SCAP: variants seen among roughly 807,000 people sequenced by gnomAD.
SCAP encodes the protein sterol regulatory element-binding protein cleavage-activating protein.
In SCAP, 65 loss-of-function variants were observed where a neutral mutation model predicts 123.6. That is an observed-to-expected ratio of 0.53 (90% CI 0.43 to 0.65). The LOEUF is 0.65. SCAP is among the 30% of genes least tolerant of loss of function. The pLI, the probability that SCAP is intolerant of heterozygous loss-of-function variation, is 0.00. For missense variants in SCAP, 1,398 were observed against 1,712.5 expected (o/e 0.82, Z 3.24); for synonymous variants, 740 against 726.3 (o/e 1.02, Z -0.30).
chr3:47,423,147 G>A (rs1705980871), intron 9 of SCAP, among the ~76,000 whole-genome samples: 1 of 152,222 alleles, frequency 6.6e-6, no homozygotes, highest in Non-Finnish European at 1.5e-5. Context: ...TGAATGGACG[G>A]CTGCCTACAG....
intron 16 of SCAP, 139 bp from the exon 17 acceptor site, chr3:47,417,965 G>GAGT (rs1705696122): frequency 5.6e-5 from 28 of 502,598 alleles, no homozygotes; most frequent in Non-Finnish European, 8.3e-5. Flanking sequence ...TGCGGGGTGG[G>GAGT]GAGAGGGGGG....
chr3:47,419,549 C>T lies in SCAP; in HGVS notation c.1719G>A (p.Pro573=), dbSNP rs141351370. The change falls in exon 13 of 23, where the codon CCG becomes CCA. Residue 573 remains proline (P), a synonymous_variant. Coordinates refer to ENST00000265565, the MANE Select transcript of SCAP (RefSeq NM_012235.4). This position sits in a 1 kb window ranked among gnomAD's most constrained non-coding sequence, Gnocchi z 5.0. ...VPSGMLPPSH[P]DPAFSIFPPD... ...GTGGGAAGATGGAGAAGGCAGGGTC[C>T]GGGTGGCTGGGGGGCAGCATGCCAC... The T allele has an allele frequency of 1.1e-3, 1,827 of 1,613,308 alleles. 1 individual carries two copies. Among genetic ancestry groups the T allele is most frequent in the Non-Finnish European group, 1.4e-3 (1,664 of 1,179,534 alleles).
At chr3:47,425,685 T>G in intron 7 of SCAP, 74 bp from the exon 8 acceptor site, 1 of 1,537,398 alleles carries the variant, frequency 6.5e-7, no homozygotes, top group Non-Finnish European at 8.9e-7. Flanking sequence ...CGGGAGTAGG[T>G]TGCCCTGACA....
At chr3:47,426,705 G>C (rs1390922288) in intron 6 of SCAP, among the ~76,000 whole-genome samples, 1 of 152,138 alleles carries the variant, frequency 6.6e-6, no homozygotes, top group Non-Finnish European at 1.5e-5. Context: ...CCAAAGTCTG[G>C]GATTACAGGC....
chr3:47,461,587 T>C (rs1327530409), intron 1 of SCAP, among the ~76,000 whole-genome samples: 2 of 152,214 alleles, frequency 1.3e-5, no homozygotes, highest in Non-Finnish European at 2.9e-5. Flanking sequence ...AGGAAGAAAC[T>C]GAGGCTTAGG....
rs187617428 is a variant in SCAP at position 47,419,516 on chromosome 3, G to A, written c.1752C>T (p.Ala584=). The stretch of plus-strand genomic sequence containing the variant: ...ACGTCTGGTTCTCAGGTAGCTTAGG[G>A]GCATCAGGTGGGAAGATGGAGAAGG... The part of the protein sequence containing the change: ...DPAFSIFPPD[A]PKLPENQTSP... The change falls in exon 13 of 23, where the codon GCC becomes GCT. Residue 584 remains alanine, a synonymous_variant. Coordinates refer to ENST00000265565, the MANE Select transcript of SCAP (RefSeq NM_012235.4). The surrounding 1 kb of genome is among the most constrained non-coding windows in gnomAD (Gnocchi z 5.0). 7.1e-5 allele frequency: 115 copies of A among 1,613,980 alleles called. No individual in the cohort carries two copies. Among genetic ancestry groups the A allele is most frequent in the Non-Finnish European group, 9.1e-5 (107 of 1,179,982 alleles).
intron 1 of SCAP, among the ~76,000 whole-genome samples, chr3:47,456,448 T>C (rs1436429589): frequency 7.2e-5 from 11 of 151,950 alleles, no homozygotes; most frequent in Non-Finnish European, 1.5e-4. Context: ...AGAGAAAAGA[T>C]TTAAAGGTAA....
intron 10 of SCAP, chr3:47,421,350 C>T (rs1705892219): frequency 3.4e-6 from 1 of 293,366 alleles, no homozygotes; most frequent in South Asian, 3.9e-5. Context: ...GCCCCACCAG[C>T]CTGCTCCCCA....
At chr3:47,469,768 G>A in intron 1 of SCAP, 2 of 505,192 alleles carry the variant, frequency 4.0e-6, no homozygotes, top group South Asian at 1.6e-5. Context: ...CCCCAGCCAT[G>A]TGGAACTTAT....
chr3:47,424,207 A>C (rs1706026681), intron 8 of SCAP, among the ~76,000 whole-genome samples, 162 bp from the exon 9 acceptor site: 1 of 151,990 alleles, frequency 6.6e-6, no homozygotes, highest in Non-Finnish European at 1.5e-5. Flanking sequence ...ACCCAACAAG[A>C]CCTGCATCTA....
chr3:47,473,686 G>C (rs924052703), intron 1 of SCAP, among the ~76,000 whole-genome samples: 7 of 152,192 alleles, frequency 4.6e-5, no homozygotes, highest in African/African-American at 1.7e-4. Context: ...ACATTCACAT[G>C]CATGGCTAGA....
chr3:47,427,627 T>C lies in SCAP; in HGVS notation c.451A>G (p.Thr151Ala), dbSNP rs1410699674. 1 of 1,613,954 alleles carries C rather than the reference T, an allele frequency of 6.2e-7. No individual in the cohort carries two copies. The highest frequency in any genetic ancestry group is 1.3e-5 in the African/African-American group (1 of 74,880). The change falls in exon 5 of 23, where the codon ACC (threonine) becomes GCC (alanine). Residue 151 changes from threonine to alanine, a missense_variant. Thr to Ala is a moderately conservative substitution (Grantham distance 58, BLOSUM62 0). Transcript: ENST00000265565. ...RSLEELCLQV[T>A]DLLPGLRKLR... The stretch of plus-strand genomic sequence containing the variant: ...TTCCTAAGGCCTGGCAGCAGGTCGG[T>C]CACTTGCAGACACAACTCCTCCAAG...
At chr3:47,440,777 T>C (rs1706766421) in intron 2 of SCAP, among the ~76,000 whole-genome samples, 1 of 152,154 alleles carries the variant, frequency 6.6e-6, no homozygotes. Flanking sequence ...GGAGAATCAC[T>C]TGAGCCCATG....
Position 47,427,681 on chromosome 3 carries a change from A to C in SCAP, c.411-14T>G. On this transcript the variant is annotated splice_polypyrimidine_tract_variant and intron_variant, in intron 4 of 22. Coordinates refer to ENST00000265565, the MANE Select transcript of SCAP (RefSeq NM_012235.4). ...CTGATCCCAGAGCTGCACAGGAGAC[A>C]GGACAAGGCACCTGCTGTGTCTGCC... The C allele has an allele frequency of 1.2e-6, 2 of 1,609,854 alleles. No homozygotes were observed. Among genetic ancestry groups the C allele is most frequent in the Non-Finnish European group, 1.7e-6 (2 of 1,177,152 alleles).
At chr3:47,448,468 ACT>A (rs1295591213) in intron 1 of SCAP, among the ~76,000 whole-genome samples, 2 of 150,378 alleles carry the variant, frequency 1.3e-5, no homozygotes, top group Non-Finnish European at 3.0e-5. Flanking sequence ...TTTCTGCACC[ACT>A]CTTTCTCCTC....
chr3:47,447,071 A>G (rs951457283), intron 1 of SCAP, among the ~76,000 whole-genome samples: 2 of 152,206 alleles, frequency 1.3e-5, no homozygotes, highest in Non-Finnish European at 2.9e-5. Flanking sequence ...TGAAAAGACT[A>G]TCCTTCCTCC....
chr3:47,423,908 C>T, intron 9 of SCAP, 25 bp downstream of exon 9: 1 of 1,548,158 alleles, frequency 6.5e-7, no homozygotes. Flanking sequence ...CTGCAGCCCT[C>T]TGCCCAACTC....
intron 1 of SCAP, among the ~76,000 whole-genome samples, chr3:47,459,570 C>G (rs919595241): frequency 5.3e-5 from 8 of 151,980 alleles, no homozygotes; most frequent in Non-Finnish European, 1.0e-4. Context: ...ACCGTGATAC[C>G]CACCCGAGCT....
chr3:47,466,220 A>C (rs1386095815), intron 1 of SCAP, among the ~76,000 whole-genome samples: 1 of 152,132 alleles, frequency 6.6e-6, no homozygotes, highest in Admixed American at 6.6e-5. Flanking sequence ...TAGCCAAAAC[A>C]AACTTGAAAA....
Sources: gnomAD v4.1 joint callset for allele counts (sites outside exome capture counted in the v4.1 genomes callset) on GRCh38, gnomAD v4.1.1 for gene constraint, Gnocchi (gnomAD v3.1) non-coding constraint, MANE v1.5 for transcripts, NCBI Gene and HGNC (gene_info 2026-07-23, HGNC 2026-07-21) for gene names.